TMC1: variants seen among roughly 807,000 people sequenced by gnomAD.
TMC1 encodes transmembrane channel-like protein 1.
In TMC1, 84 loss-of-function variants were observed where a neutral mutation model predicts 105.8. The observed-to-expected ratio is 0.79, with a 90% CI of 0.67 to 0.95. The LOEUF is 0.95. Ranked by LOEUF, TMC1 falls within the 40% of genes least tolerant of loss-of-function variation. TMC1 has a pLI of 0.00. For synonymous variants in TMC1, 315 were observed against 311.5 expected, an observed-to-expected ratio of 1.01 and a Z score of -0.12; for missense variants, 817 against 914.1, an observed-to-expected ratio of 0.89 and a Z score of 1.37.
chr9:72,698,156 A>C (rs921100987), intron 7 of TMC1, among the ~76,000 whole-genome samples: 1 of 152,180 alleles, frequency 6.6e-6, no homozygotes, highest in Admixed American at 6.5e-5. Flanking sequence ...ATGAAAATAG[A>C]AACAACCCAA....
chr9:72,788,561 T>G (rs190029916), intron 14 of TMC1, 78 bp downstream of exon 14: 12 of 1,413,708 alleles, frequency 8.5e-6, no homozygotes, highest in African/African-American at 7.1e-5. Flanking sequence ...GGTCCAGTAG[T>G]GCAGTATCTT....
At position 72,826,952 on chromosome 9, in the gene TMC1, T is replaced by C; in HGVS notation, c.2087T>C (p.Leu696Pro). 1 of 1,614,126 alleles carries C rather than the reference T, an allele frequency of 6.2e-7. No individual in the cohort carries two copies. The highest frequency in any genetic ancestry group is 8.5e-7 in the Non-Finnish European group (1 of 1,179,948). ...TGGATGGCGAAGATCTTGAGACAGC[T>C]TTCAAACCCTGGGCTGGTCATTGCT... ...PSWMAKILRQLSNPGLVIAVI... is the reference protein window; with the variant it reads ...PSWMAKILRQPSNPGLVIAVI... The change falls in exon 21 of 24, where the codon CTT (leucine) becomes CCT (proline). Residue 696 changes from leucine (L) to proline (P), a missense_variant. Transcript: ENST00000297784.
intron 10 of TMC1, among the ~76,000 whole-genome samples, chr9:72,745,744 C>A (rs1159069407): frequency 6.6e-6 from 1 of 152,026 alleles, no homozygotes; most frequent in Non-Finnish European, 1.5e-5. Context: ...GAACTTAATG[C>A]AAAATGGGAA....
intron 8 of TMC1, among the ~76,000 whole-genome samples, chr9:72,712,588 G>T (rs960042433): frequency 6.6e-6 from 1 of 152,084 alleles, no homozygotes; most frequent in African/African-American, 2.4e-5. Flanking sequence ...TGATGTATAG[G>T]AATACTTGTG....
intron 4 of TMC1, among the ~76,000 whole-genome samples, chr9:72,637,355 C>T (rs563768546): frequency 4.6e-5 from 7 of 151,976 alleles, no homozygotes; most frequent in African/African-American, 7.2e-5. Context: ...CGTTCTTCAC[C>T]GTGATAATCC....
chr9:72,818,861 AG>A (rs1828829290), intron 19 of TMC1: 1 of 152,162 alleles, frequency 6.6e-6, no homozygotes, highest in Non-Finnish European at 1.5e-5. Flanking sequence ...ATGGCTCTTG[AG>A]TTATTTGTTT....
chr9:72,635,999 G>C (rs1825528276), intron 4 of TMC1, among the ~76,000 whole-genome samples: 1 of 152,100 alleles, frequency 6.6e-6, no homozygotes, highest in African/African-American at 2.4e-5. Context: ...GTGTCAGAAG[G>C]GTAAGAAAAG....
Position 72,598,309 on chromosome 9 carries a change from C to T in TMC1, c.-305-18059C>T, listed in dbSNP as rs1319497592. 2.0e-5 allele frequency among the ~76,000 whole-genome samples: 3 copies of T among 152,250 alleles called. No individual in the cohort carries two copies. In the East Asian group the frequency reaches 5.8e-4, roughly 29 times the overall value. On this transcript the variant is annotated intron_variant, in intron 2 of 23. Coordinates refer to ENST00000297784, the MANE Select transcript of TMC1 (RefSeq NM_138691.3). ...CGACTTGGGGTCTCATCCCTCCCTG[C>T]CTACCAGTCTCTGTGACTGAAAGGG...
intron 2 of TMC1, among the ~76,000 whole-genome samples, chr9:72,594,357 T>C (rs1370682025): frequency 1.3e-5 from 2 of 152,190 alleles, no homozygotes; most frequent in African/African-American, 2.4e-5. Flanking sequence ...AGGGATAGTT[T>C]AGAAAGTTTA....
intron 5 of TMC1, among the ~76,000 whole-genome samples, chr9:72,667,711 G>A (rs946865127): frequency 2.6e-5 from 4 of 152,194 alleles, no homozygotes; most frequent in Non-Finnish European, 5.9e-5. Flanking sequence ...CAGTAAAACA[G>A]TCAGACAACA....
chr9:72,825,391 G>A (rs572433435), intron 20 of TMC1, among the ~76,000 whole-genome samples: 2 of 152,316 alleles, frequency 1.3e-5, no homozygotes, highest in East Asian at 1.9e-4. Flanking sequence ...AACCTGGCAG[G>A]AGAAGGCATT....
chr9:72,807,014 C>T (rs1394101168), intron 18 of TMC1, among the ~76,000 whole-genome samples: 2 of 152,252 alleles, frequency 1.3e-5, no homozygotes, highest in Admixed American at 6.5e-5. Context: ...GCAATCCCGG[C>T]ACCTCGGGAG....
chr9:72,713,828 C>T (rs565087626), intron 8 of TMC1, among the ~76,000 whole-genome samples: 1 of 150,450 alleles, frequency 6.6e-6, no homozygotes, highest in African/African-American at 2.4e-5. Flanking sequence ...TTTTTTTGCT[C>T]TTGCTTCTCT....
Position 72,531,574 on chromosome 9 carries a change from C to T in TMC1, c.-428+9661C>T, listed in dbSNP as rs970730288. ...CAATATCAAGTTCAGCTCTGCACCT[C>T]TCTTATATACTATGGAGCTCTCAGT... is the stretch of plus-strand genomic sequence containing the variant. On this transcript the variant is annotated intron_variant, in intron 1 of 23. Coordinates refer to ENST00000297784, the MANE Select transcript of TMC1 (RefSeq NM_138691.3). 1.2e-4 allele frequency among the ~76,000 whole-genome samples: 18 copies of T among 152,348 alleles called. No homozygotes were observed. In the East Asian group the frequency reaches 2.1e-3, roughly 18 times the overall value.
intron 6 of TMC1, among the ~76,000 whole-genome samples, chr9:72,692,788 G>A (rs970116764): frequency 2.0e-5 from 3 of 152,044 alleles, no homozygotes; most frequent in African/African-American, 7.2e-5. Flanking sequence ...TGATTTGGAT[G>A]ACAGAATATA....
At chr9:72,568,712 T>TGTTC (rs1476742920) in intron 1 of TMC1, among the ~76,000 whole-genome samples, 1 of 152,234 alleles carries the variant, frequency 6.6e-6, no homozygotes, top group East Asian at 1.9e-4. Flanking sequence ...GAATCCAAGA[T>TGTTC]GTTCGGCTAG....
In TMC1 at chr9:72,694,641, G is replaced by T; in HGVS notation, c.163G>T (p.Glu55Ter). ...TRDVINEDDP[E>*]PEPEDEETRK... ...AGATGTTATCAATGAGGATGACCCA[G>T]AACCTGAACCAGAGGATGAAGAAAC... is the stretch of plus-strand genomic sequence containing the variant. The change falls in exon 7 of 24, where the codon GAA becomes TAA. Residue 55 changes from glutamate (E) to a stop codon, truncating the protein, a stop_gained. Transcript: ENST00000297784. LOFTEE classifies it high-confidence loss of function. 6.2e-7 allele frequency: 1 copy of T among 1,612,958 alleles called. No homozygotes were observed. Among genetic ancestry groups the T allele is most frequent in the African/African-American group, 1.3e-5 (1 of 74,976 alleles).
intron 20 of TMC1, among the ~76,000 whole-genome samples, chr9:72,823,018 T>C (rs1828900010): frequency 6.6e-6 from 1 of 152,246 alleles, no homozygotes; most frequent in South Asian, 2.1e-4. Flanking sequence ...TTATTTTTTA[T>C]TTTTAAAATT....
intron 23 of TMC1, among the ~76,000 whole-genome samples, chr9:72,832,329 T>C (rs777382480): frequency 6.6e-6 from 1 of 152,156 alleles, no homozygotes; most frequent in Non-Finnish European, 1.5e-5. Context: ...GAAGCTAAAC[T>C]CCTTTCACAT....
Sources: allele counts gnomAD v4.1 joint callset (sites outside exome capture counted in the v4.1 genomes callset), GRCh38; gene constraint gnomAD v4.1.1; transcripts MANE v1.5; gene names NCBI Gene and HGNC (gene_info 2026-07-23, HGNC 2026-07-21).